Variants in VRK1 observed in about 807,000 individuals in gnomAD.
The protein encoded by VRK1 is serine/threonine-protein kinase VRK1.
Under a neutral mutation model 57.1 loss-of-function variants are expected in VRK1, and 33 were observed. The ratio of observed to expected loss-of-function variants is 0.58; its 90% CI spans 0.44 to 0.77. The LOEUF is 0.77. VRK1 is among the 30% of genes least tolerant of loss of function. The pLI, the probability that VRK1 is intolerant of heterozygous loss-of-function variation, is 0.00. For missense variants in VRK1, 413 were observed against 477.3 expected (o/e 0.87, Z 1.25); for synonymous variants, 137 against 147.8 (o/e 0.93, Z 0.53).
At chr14:96,810,549 A>G (rs1886148410) in intron 1 of VRK1, among the ~76,000 whole-genome samples, 1 of 152,182 alleles carries the variant, frequency 6.6e-6, no homozygotes, top group Admixed American at 6.5e-5. Flanking sequence ...ACAAGTAGTA[A>G]CAGGTGGCAT....
intron 2 of VRK1, among the ~76,000 whole-genome samples, chr14:96,834,000 A>C (rs1189662600): frequency 1.3e-5 from 2 of 152,170 alleles, no homozygotes; most frequent in African/African-American, 4.8e-5. Context: ...GAGGTTTGCA[A>C]ATCTTTTACA....
chr14:96,819,688 A>C (rs574449905), intron 1 of VRK1, among the ~76,000 whole-genome samples: 1 of 152,196 alleles, frequency 6.6e-6, no homozygotes, highest in Non-Finnish European at 1.5e-5. Context: ...TTGGGATTCG[A>C]TGAACTCTTG....
At chr14:96,835,268 A>G (rs1313124856) in intron 2 of VRK1, among the ~76,000 whole-genome samples, 2 of 152,048 alleles carry the variant, frequency 1.3e-5, no homozygotes, top group African/African-American at 4.8e-5. Context: ...TTTTCTTTGC[A>G]TTTTCTTTTC....
At chr14:96,852,805 C>A in intron 5 of VRK1, 26 bp from the exon 6 acceptor site, 1 of 1,587,760 alleles carries the variant, frequency 6.3e-7, no homozygotes, top group South Asian at 1.1e-5. Flanking sequence ...GTATTTTGTT[C>A]ATTGGCTTTT....
intron 12 of VRK1, among the ~76,000 whole-genome samples, 190 bp downstream of exon 12, chr14:96,876,310 A>G (rs558402292): frequency 1.3e-5 from 2 of 152,304 alleles, no homozygotes; most frequent in South Asian, 4.1e-4. Flanking sequence ...CAATAATTAT[A>G]AAGTTGAGAC....
At chr14:96,816,299 A>G (rs1886390725) in intron 1 of VRK1, among the ~76,000 whole-genome samples, 1 of 152,132 alleles carries the variant, frequency 6.6e-6, no homozygotes, top group South Asian at 2.1e-4. Flanking sequence ...ATAGACAAAA[A>G]CCAAGACCAC....
chr14:96,837,387 A>G (rs1220128640), intron 2 of VRK1, among the ~76,000 whole-genome samples: 1 of 152,140 alleles, frequency 6.6e-6, no homozygotes, highest in Non-Finnish European at 1.5e-5. Context: ...TCTCCTCTTA[A>G]AAGAATTTCA....
chr14:96,822,052 C>T (rs553777907), intron 1 of VRK1, among the ~76,000 whole-genome samples: 5 of 148,766 alleles, frequency 3.4e-5, no homozygotes, highest in Middle Eastern at 6.8e-3. Flanking sequence ...AATTTCATTC[C>T]CTCCCGCCCC....
At chr14:96,834,000 A>G (rs1189662600) in intron 2 of VRK1, among the ~76,000 whole-genome samples, 1 of 152,170 alleles carries the variant, frequency 6.6e-6, no homozygotes, top group Non-Finnish European at 1.5e-5. Context: ...GAGGTTTGCA[A>G]ATCTTTTACA....
intron 1 of VRK1, among the ~76,000 whole-genome samples, chr14:96,810,791 CT>C (rs1441292739): frequency 6.6e-6 from 1 of 152,194 alleles, no homozygotes; most frequent in Non-Finnish European, 1.5e-5. Flanking sequence ...CTTCTTATAT[CT>C]GGATTGTGTT....
chr14:96,867,799 T>C (rs1019037324), intron 11 of VRK1, among the ~76,000 whole-genome samples: 2 of 152,188 alleles, frequency 1.3e-5, no homozygotes, highest in African/African-American at 4.8e-5. Context: ...TTTTGTTTTT[T>C]AGTCATATTT....
chr14:96,849,714 A>G (rs139897300), intron 5 of VRK1, among the ~76,000 whole-genome samples: 39 of 152,212 alleles, frequency 2.6e-4, no homozygotes, highest in Non-Finnish European at 3.7e-4. Flanking sequence ...TGTGATTATC[A>G]TAATTGGTTT....
At chr14:96,858,019 A>G (rs1472864925) in intron 10 of VRK1, among the ~76,000 whole-genome samples, 1 of 152,198 alleles carries the variant, frequency 6.6e-6, no homozygotes, top group Non-Finnish European at 1.5e-5. Flanking sequence ...TTCACTTAGT[A>G]ATGTATTTGT....
intron 11 of VRK1, among the ~76,000 whole-genome samples, chr14:96,862,094 C>G (rs904883468): frequency 6.6e-6 from 1 of 152,154 alleles, no homozygotes; most frequent in Non-Finnish European, 1.5e-5. Context: ...CCCCATCCCC[C>G]TGTCCCCGCC....
intron 1 of VRK1, among the ~76,000 whole-genome samples, chr14:96,808,130 G>A (rs546332649): frequency 6.6e-6 from 1 of 152,078 alleles, no homozygotes; most frequent in Admixed American, 6.6e-5. Flanking sequence ...CAGAAAGGAA[G>A]TAAGAAAGGA....
chr14:96,870,283 A>G (rs1002189959), intron 11 of VRK1, among the ~76,000 whole-genome samples: 4 of 152,196 alleles, frequency 2.6e-5, no homozygotes, highest in African/African-American at 9.7e-5. Context: ...TTATGCATTT[A>G]TATAGAAAGT....
chr14:96,841,107 C>T (rs1006090241), intron 3 of VRK1, among the ~76,000 whole-genome samples: 7 of 152,118 alleles, frequency 4.6e-5, no homozygotes, highest in Non-Finnish European at 2.9e-5. Context: ...ATCCTTCCCT[C>T]TCAGCCTCCT....
intron 1 of VRK1, among the ~76,000 whole-genome samples, chr14:96,821,237 G>T (rs76848197): frequency 2.0e-5 from 3 of 151,976 alleles, no homozygotes; most frequent in African/African-American, 7.3e-5. Context: ...TATTTTGGAG[G>T]TATTTTATAA....
At chr14:96,829,157 A>G (rs1886911963) in intron 1 of VRK1, among the ~76,000 whole-genome samples, 1 of 152,062 alleles carries the variant, frequency 6.6e-6, no homozygotes, top group South Asian at 2.1e-4. Context: ...GGTTACTCAT[A>G]GTTTACAGGA....
Sources: gnomAD v4.1 joint callset for allele counts (sites outside exome capture counted in the v4.1 genomes callset) on GRCh38, gnomAD v4.1.1 for gene constraint, MANE v1.5 for transcripts, NCBI Gene and HGNC (gene_info 2026-07-23, HGNC 2026-07-21) for gene names.